The following PRPSAP2 variants were observed in gnomAD, a reference collection of about 807,000 sequenced individuals.
PRPSAP2 encodes the protein phosphoribosyl pyrophosphate synthetase associated protein 2.
A neutral mutation model predicts 40.6 loss-of-function variants in PRPSAP2; 24 were observed. The observed-to-expected ratio is 0.59, with a 90% CI of 0.43 to 0.83. PRPSAP2 has a LOEUF of 0.83. Among genes scored for constraint, PRPSAP2 ranks in the 40% least tolerant of loss-of-function variants. PRPSAP2 has a pLI of 0.00. For missense variants in PRPSAP2, 292 were observed against 465.6 expected, an observed-to-expected ratio of 0.63 and a Z score of 3.43; for synonymous variants, 149 against 164.7, an observed-to-expected ratio of 0.90 and a Z score of 0.73.
At chr17:18,880,082 G>A (rs1051069893) in intron 6 of PRPSAP2, among the ~76,000 whole-genome samples, 1 of 152,012 alleles carries the variant, frequency 6.6e-6, no homozygotes, top group Non-Finnish European at 1.5e-5. Flanking sequence ...GGCAACAAGA[G>A]CAAAACTCCG....
At chr17:18,920,723 CAATG>C (rs2041642791) in intron 9 of PRPSAP2, among the ~76,000 whole-genome samples, 1 of 151,942 alleles carries the variant, frequency 6.6e-6, no homozygotes, top group Non-Finnish European at 1.5e-5. Context: ...TACTAAAAAA[CAATG>C]AAAATACTTT....
chr17:18,929,657 A>G (rs2042157649), intron 11 of PRPSAP2: 1 of 152,272 alleles, frequency 6.6e-6, no homozygotes, highest in East Asian at 1.9e-4. Context: ...AATATTTTCA[A>G]GGTTCATCCA....
chr17:18,865,936 T>C lies in PRPSAP2; in HGVS notation c.103T>C (p.Ser35Pro). 1 of 1,451,084 alleles carries C rather than the reference T, an allele frequency of 6.9e-7. No homozygotes were observed. Among genetic ancestry groups the C allele is most frequent in the Non-Finnish European group, 9.2e-7 (1 of 1,085,076 alleles). The allele number at this position is 1,451,084 out of a possible 1,614,324, so 89.9% of individuals were successfully genotyped here. The change falls in exon 3 of 12, where the codon TCA becomes CCA. Residue 35 changes from serine to proline, a missense_variant. Physicochemically the swap from Ser to Pro is moderately conservative, Grantham distance 74 (BLOSUM62 -1). This residue lies in a region of PRPSAP2 where 51 missense variants were observed against 40.0 expected (regional missense o/e 1.28). Transcript: ENST00000268835. The stretch of plus-strand genomic sequence containing the variant: ...CTCGAATTCATCATGTATGGAGCTA[T>C]CAAAGAAAATTGCAGAGTGAGTTAT... ...ANSNSSCMELSKKIAERLGVE... is the reference protein window; with the variant it reads ...ANSNSSCMELPKKIAERLGVE...
intron 7 of PRPSAP2, among the ~76,000 whole-genome samples, chr17:18,887,165 A>T (rs1299012324): frequency 1.3e-5 from 2 of 149,026 alleles, no homozygotes; most frequent in Non-Finnish European, 3.0e-5. Flanking sequence ...GAACTCCCAA[A>T]CTCAGGTTAT....
intron 10 of PRPSAP2, among the ~76,000 whole-genome samples, chr17:18,924,800 T>G (rs1177112378): frequency 6.9e-6 from 1 of 144,946 alleles, no homozygotes; most frequent in East Asian, 2.1e-4. Context: ...CATCCTGTCA[T>G]AACATGAGAT....
At chr17:18,907,078 T>C (rs150622124) in intron 8 of PRPSAP2, among the ~76,000 whole-genome samples, 1 of 152,208 alleles carries the variant, frequency 6.6e-6, no homozygotes, top group Non-Finnish European at 1.5e-5. Context: ...AATTTTTTGT[T>C]TGTTTTTAGT....
chr17:18,862,962 A>T (rs1378073169), intron 1 of PRPSAP2, among the ~76,000 whole-genome samples: 3 of 151,024 alleles, frequency 2.0e-5, no homozygotes, highest in Non-Finnish European at 2.9e-5. Flanking sequence ...CTGGGACTGT[A>T]GGCGCCCACC....
At chr17:18,920,454 C>T (rs1597751399) in intron 9 of PRPSAP2, among the ~76,000 whole-genome samples, 2 of 152,092 alleles carry the variant, frequency 1.3e-5, no homozygotes, top group Non-Finnish European at 1.5e-5. Context: ...TGTTTTGACT[C>T]AAGTAGTGAT....
At position 18,865,576 on chromosome 17, in the gene PRPSAP2, A is replaced by G. The variant is rs2037367678; in HGVS notation, c.-33+12A>G. On this transcript the variant is annotated intron_variant, in intron 2 of 11. Transcript: ENST00000268835. The stretch of plus-strand genomic sequence containing the variant: ...GCTCCGCCTTTCTTGTAAGTTTATC[A>G]TTTCTTCTTAGTGGTTGTGAACATC... 5.4e-6 allele frequency: 1 copy of G among 185,102 alleles called. No homozygotes were observed. The highest frequency in any genetic ancestry group is 2.0e-4 in the South Asian group (1 of 5,122). 11.5% of individuals were successfully genotyped at this position (185,102 alleles called of 1,614,324 possible).
At chr17:18,895,631 T>G (rs1288240063) in intron 8 of PRPSAP2, among the ~76,000 whole-genome samples, 1 of 151,866 alleles carries the variant, frequency 6.6e-6, no homozygotes, top group Admixed American at 6.6e-5. Context: ...AATTTAATTT[T>G]TATTTTTATT....
chr17:18,913,060 G>A (rs1345765985), intron 9 of PRPSAP2, among the ~76,000 whole-genome samples: 2 of 152,220 alleles, frequency 1.3e-5, no homozygotes, highest in African/African-American at 4.8e-5. Context: ...GGATTCTCAT[G>A]CCTGCATCTC....
At chr17:18,872,436 C>T in intron 4 of PRPSAP2, 147 bp from the exon 5 acceptor site, 8 of 619,400 alleles carry the variant, frequency 1.3e-5, no homozygotes, top group Middle Eastern at 4.3e-4. Context: ...GTGTATTATC[C>T]CTTGTAACAT....
chr17:18,910,959 G>T (rs1032217312), intron 8 of PRPSAP2, 144 bp from the exon 9 acceptor site: 3 of 1,005,204 alleles, frequency 3.0e-6, no homozygotes, highest in Non-Finnish European at 4.1e-6. Flanking sequence ...GTTTCTAAGA[G>T]TCTAAGGCTG....
chr17:18,914,060 A>G (rs1199969574), intron 9 of PRPSAP2, among the ~76,000 whole-genome samples: 1 of 151,108 alleles, frequency 6.6e-6, no homozygotes, highest in Non-Finnish European at 1.5e-5. Flanking sequence ...TTAAATCCCA[A>G]CTACTCGGGA....
At chr17:18,913,794 C>G (rs35719071) in intron 9 of PRPSAP2, among the ~76,000 whole-genome samples, 2 of 151,140 alleles carry the variant, frequency 1.3e-5, no homozygotes, top group South Asian at 4.2e-4. Flanking sequence ...GTGATCCACC[C>G]GCCTTAACCT....
In PRPSAP2 at chr17:18,865,785, G is replaced by A; in HGVS notation, c.-32-17G>A. 2 of 1,381,010 alleles carry A rather than the reference G, an allele frequency of 1.4e-6. No homozygotes were observed. Among genetic ancestry groups the A allele is most frequent in the East Asian group, 5.3e-5 (2 of 37,822 alleles). The allele number at this position is 1,381,010 out of a possible 1,614,324, so 85.5% of individuals were successfully genotyped here. On this transcript the variant is annotated splice_polypyrimidine_tract_variant and intron_variant, in intron 2 of 11. Coordinates refer to ENST00000268835, the MANE Select transcript of PRPSAP2 (RefSeq NM_002767.4). ...CATATCATATGGCAGTTTTTAATAA[G>A]TATTATATCCTTCTAGGCTCTGAAA... is the stretch of plus-strand genomic sequence containing the variant.
chr17:18,902,502 A>T (rs984430936), intron 8 of PRPSAP2, among the ~76,000 whole-genome samples: 1 of 152,112 alleles, frequency 6.6e-6, no homozygotes, highest in Non-Finnish European at 1.5e-5. Context: ...GTTTCCTTGA[A>T]GGTAGTGGGG....
intron 4 of PRPSAP2, among the ~76,000 whole-genome samples, chr17:18,868,196 A>G (rs753202152): frequency 2.0e-5 from 3 of 152,162 alleles, no homozygotes; most frequent in Non-Finnish European, 4.4e-5. Context: ...ATTTTAGGCC[A>G]GGCGTGGTGG....
rs1192524612 is a variant in PRPSAP2, at chr17:18,911,344, T to TG, written c.733+93_733+94insG. ...GGTTTTTTTCCTCATTCTTCGTTTT[T>TG]TTTTAGTTGGCAAAAACTCATTAAC... On this transcript the variant is annotated intron_variant, in intron 9 of 11. Coordinates refer to ENST00000268835, the MANE Select transcript of PRPSAP2 (RefSeq NM_002767.4). This position sits in a 1 kb window ranked among gnomAD's most constrained non-coding sequence, Gnocchi z 4.5. 15 of 1,275,144 alleles carry TG rather than the reference T, an allele frequency of 1.2e-5. No individual in the cohort carries two copies. The highest frequency in any genetic ancestry group is 1.5e-5 in the Non-Finnish European group (15 of 997,756). The allele number at this position is 1,275,144 out of a possible 1,614,324, so 79.0% of individuals were successfully genotyped here. A position where few individuals can be genotyped will look rare whatever the true frequency, so the allele number is the denominator to read the frequency against.
Sources: gnomAD v4.1 joint callset for allele counts (sites outside exome capture counted in the v4.1 genomes callset) on GRCh38, gnomAD v4.1.1 for gene constraint, gnomAD v4.1.1 regional missense constraint, Gnocchi (gnomAD v3.1) non-coding constraint, MANE v1.5 for transcripts, NCBI Gene and HGNC (gene_info 2026-07-23, HGNC 2026-07-21) for gene names.